The following ERBB4 variants were observed in gnomAD, a reference collection of about 807,000 sequenced individuals.
ERBB4 encodes erb-b2 receptor tyrosine kinase 4, also known as receptor tyrosine-protein kinase erbB-4.
ERBB4 carries 42 observed loss-of-function variants against 158.0 expected under a neutral mutation model. The observed-to-expected ratio is 0.27, with a 90% CI of 0.21 to 0.34. The LOEUF (loss-of-function observed/expected upper bound fraction) is 0.34. ERBB4 is among the 10% of genes least tolerant of loss of function. ERBB4 has a pLI of 1.00. For missense variants in ERBB4, 1,333 were observed against 1,624.1 expected, an observed-to-expected ratio of 0.82 and a Z score of 3.08; for synonymous variants, 583 against 558.7, an observed-to-expected ratio of 1.04 and a Z score of -0.61.
chr2:212,008,876 T>C (rs927787570), intron 2 of ERBB4, among the ~76,000 whole-genome samples: 2 of 152,120 alleles, frequency 1.3e-5, no homozygotes, highest in African/African-American at 4.8e-5. Flanking sequence ...GCCATGTAAA[T>C]TGGCAGCTGC....
At chr2:212,153,941 G>A (rs2080951592) in intron 1 of ERBB4, among the ~76,000 whole-genome samples, 1 of 152,132 alleles carries the variant, frequency 6.6e-6, no homozygotes. Flanking sequence ...AAGAGGTTAA[G>A]TACGTATGGA....
intron 3 of ERBB4, among the ~76,000 whole-genome samples, chr2:211,868,279 G>A (rs2078259036): frequency 6.6e-6 from 1 of 152,192 alleles, no homozygotes; most frequent in Admixed American, 6.5e-5. Context: ...TAACCTCACA[G>A]AAAATGTGTA....
At chr2:212,501,440 C>A (rs566313083) in intron 1 of ERBB4, among the ~76,000 whole-genome samples, 1 of 152,116 alleles carries the variant, frequency 6.6e-6, no homozygotes, top group African/African-American at 2.4e-5. Context: ...TATTAAGACA[C>A]TGGATAAGTC....
intron 2 of ERBB4, among the ~76,000 whole-genome samples, chr2:211,993,681 T>C (rs888138638): frequency 1.3e-5 from 2 of 151,712 alleles, no homozygotes; most frequent in African/African-American, 4.8e-5. Flanking sequence ...AATTTTTAAA[T>C]ATTGGTATGA....
At chr2:212,154,827 G>A (rs2080984887) in intron 1 of ERBB4, among the ~76,000 whole-genome samples, 1 of 152,210 alleles carries the variant, frequency 6.6e-6, no homozygotes, top group Middle Eastern at 3.4e-3. Context: ...TTCCAATAAT[G>A]AAGACAGCAG....
At chr2:212,045,405 C>T (rs2125382694) in intron 2 of ERBB4, among the ~76,000 whole-genome samples, 1 of 152,246 alleles carries the variant, frequency 6.6e-6, no homozygotes, top group East Asian at 1.9e-4. Flanking sequence ...TTGCAGTGAG[C>T]CAAGATTGTG....
At chr2:212,286,886 C>G (rs911242502) in intron 1 of ERBB4, among the ~76,000 whole-genome samples, 2 of 148,484 alleles carry the variant, frequency 1.3e-5, no homozygotes, top group Non-Finnish European at 3.0e-5. Flanking sequence ...ACTGGGATTA[C>G]GGGCGTGAGC....
At chr2:211,550,062 G>C (rs2067042576) in intron 20 of ERBB4, among the ~76,000 whole-genome samples, 1 of 152,088 alleles carries the variant, frequency 6.6e-6, no homozygotes, top group Non-Finnish European at 1.5e-5. Flanking sequence ...CATTTAAAAT[G>C]TACAACCAGA....
At chr2:212,281,016 A>T (rs935310866) in intron 1 of ERBB4, among the ~76,000 whole-genome samples, 2 of 151,554 alleles carry the variant, frequency 1.3e-5, no homozygotes, top group Admixed American at 1.3e-4. Flanking sequence ...AGATAAGAAA[A>T]TTTTTTTTGT....
chr2:212,467,097 CA>C (rs1355582182), intron 1 of ERBB4, among the ~76,000 whole-genome samples: 1 of 152,116 alleles, frequency 6.6e-6, no homozygotes, highest in African/African-American at 2.4e-5. Context: ...ACAAAACATT[CA>C]AAATGTGACT....
At chr2:211,474,374 TTAA>T (rs2064903029) in intron 20 of ERBB4, among the ~76,000 whole-genome samples, 1 of 152,116 alleles carries the variant, frequency 6.6e-6, no homozygotes, top group Admixed American at 6.6e-5. Context: ...GAGAATTTAA[TTAA>T]TTTTATTAGA....
rs144595302 is a variant in ERBB4 at position 212,240,242 on chromosome 2, C to G, written c.83-115339G>C. Among the ~76,000 whole-genome samples the G allele has an allele frequency of 2.5e-4, 38 of 152,172 alleles. No individual in the cohort carries two copies. The East Asian group carries it at 7.4e-3, about 29-fold the overall frequency. On this transcript the variant is annotated intron_variant, in intron 1 of 27. Transcript: ENST00000342788. ...TTGGCTTTTTAGAAAACCGCAGAAG[C>G]AAAAACGTCACTCTCACCTTCCCCT...
chr2:211,561,710 T>C (rs747254354), intron 20 of ERBB4, 193 bp downstream of exon 20: 9 of 601,130 alleles, frequency 1.5e-5, no homozygotes, highest in Non-Finnish European at 2.4e-5. Context: ...AACACAATAA[T>C]CTAAAAATAT....
At chr2:211,652,076 T>A (rs1029566577) in intron 16 of ERBB4, among the ~76,000 whole-genome samples, 1 of 152,196 alleles carries the variant, frequency 6.6e-6, no homozygotes, top group African/African-American at 2.4e-5. Flanking sequence ...CATTTTGCTA[T>A]CAAGGTAAAA....
intron 1 of ERBB4, among the ~76,000 whole-genome samples, chr2:212,388,285 T>G (rs1338402505): frequency 2.0e-5 from 3 of 152,152 alleles, no homozygotes; most frequent in African/African-American, 7.2e-5. Flanking sequence ...TGATTTGAAA[T>G]AGATAAAATG....
In ERBB4 at chr2:211,847,428, A is replaced by G. The variant is rs531625105; in HGVS notation, c.422-59269T>C. Among the ~76,000 whole-genome samples, 45 of 152,218 alleles carry G rather than the reference A, an allele frequency of 3.0e-4. 1 individual carries two copies. Among genetic ancestry groups the G allele is most frequent in the Admixed American group, 1.2e-3 (18 of 15,272 alleles). On this transcript the variant is annotated intron_variant, in intron 3 of 27. Coordinates refer to ENST00000342788, the MANE Select transcript of ERBB4 (RefSeq NM_005235.3). ...GCCAACTGAGCCCACATGAAGTTACAATAAGGATTTGCAAGAAGATTTAAG... is the reference window on the plus strand; with the variant it reads ...GCCAACTGAGCCCACATGAAGTTACGATAAGGATTTGCAAGAAGATTTAAG...
rs545154197 is a variant in ERBB4, at chr2:212,515,464, A to C, written c.82+22985T>G. ...TTAGGAAATATAAATGTTTTAATAG[A>C]ATCTCAGAATTCATGCTATCATATA... On this transcript the variant is annotated intron_variant, in intron 1 of 27. Transcript: ENST00000342788. Among the ~76,000 whole-genome samples, 5 of 152,192 alleles carry C rather than the reference A, an allele frequency of 3.3e-5. No individual in the cohort carries two copies. In the South Asian group the frequency reaches 1.0e-3, roughly 32 times the overall value.
chr2:211,552,552 A>G (rs2067127422), intron 20 of ERBB4, among the ~76,000 whole-genome samples: 1 of 150,396 alleles, frequency 6.6e-6, no homozygotes, highest in Non-Finnish European at 1.5e-5. Context: ...GCAAAACACC[A>G]AAAAAAAATA....
At chr2:211,755,232 C>T (rs746696139) in intron 4 of ERBB4, among the ~76,000 whole-genome samples, 5 of 152,146 alleles carry the variant, frequency 3.3e-5, no homozygotes, top group Non-Finnish European at 5.9e-5. Flanking sequence ...CCTAGTGCAG[C>T]AGCACATGTC....
Sources: allele counts gnomAD v4.1 joint callset (sites outside exome capture counted in the v4.1 genomes callset), GRCh38; gene constraint gnomAD v4.1.1; transcripts MANE v1.5; gene names NCBI Gene and HGNC (gene_info 2026-07-23, HGNC 2026-07-21).